The following NUFIP2 variants were observed in gnomAD, a reference collection of about 807,000 sequenced individuals.
The protein encoded by NUFIP2 is FMR1-interacting protein NUFIP2.
Under a neutral mutation model 56.9 loss-of-function variants are expected in NUFIP2, and 6 were observed. The observed-to-expected ratio is 0.11, with a 90% CI of 0.06 to 0.21. The LOEUF is 0.21. NUFIP2 is among the 10% of genes least tolerant of loss of function. The probability of loss-of-function intolerance (pLI) is 1.00; values close to 1 mark genes in which losing one functional copy is unlikely to be tolerated. For missense variants in NUFIP2, 828 were observed against 826.8 expected (o/e 1.00, Z -0.02); for synonymous variants, 321 against 298.2 (o/e 1.08, Z -0.79).
intron 1 of NUFIP2, among the ~76,000 whole-genome samples, chr17:29,291,408 T>C (rs2069212557): frequency 6.6e-6 from 1 of 152,186 alleles, no homozygotes; most frequent in South Asian, 2.1e-4. Context: ...CTCAACATGT[T>C]ACAGATAAAT....
chr17:29,282,579 A>T (rs1004818245), intron 2 of NUFIP2, among the ~76,000 whole-genome samples: 1 of 151,804 alleles, frequency 6.6e-6, no homozygotes, highest in Non-Finnish European at 1.5e-5. Flanking sequence ...AAAACAAAAT[A>T]AAAACACCTT....
chr17:29,266,683 A>G (rs1338500523), intron 3 of NUFIP2, among the ~76,000 whole-genome samples: 1 of 151,948 alleles, frequency 6.6e-6, no homozygotes. Flanking sequence ...AGACCAGCCA[A>G]AAGTGGAAAT....
intron 2 of NUFIP2, among the ~76,000 whole-genome samples, chr17:29,278,984 A>C (rs1458409538): frequency 6.6e-6 from 1 of 152,170 alleles, no homozygotes; most frequent in Non-Finnish European, 1.5e-5. Flanking sequence ...ATCCTCATAA[A>C]CAAGTACCCT....
At chr17:29,283,614 A>G (rs2069153208) in intron 2 of NUFIP2, among the ~76,000 whole-genome samples, 1 of 152,128 alleles carries the variant, frequency 6.6e-6, no homozygotes, top group African/African-American at 2.4e-5. Flanking sequence ...GTAAGAGAAC[A>G]CAACACAACC....
chr17:29,265,668 A>T (rs979660224), intron 3 of NUFIP2, among the ~76,000 whole-genome samples: 1 of 146,152 alleles, frequency 6.8e-6, no homozygotes, highest in Non-Finnish European at 1.5e-5. Context: ...ACACACATAT[A>T]TAATTTCTAC....
chr17:29,288,925 G>C (rs2069194208), intron 1 of NUFIP2, among the ~76,000 whole-genome samples: 1 of 152,088 alleles, frequency 6.6e-6, no homozygotes, highest in African/African-American at 2.4e-5. Flanking sequence ...GCCAAGGCAG[G>C]CAGACTGCTG....
chr17:29,259,874 G>C lies in NUFIP2; in HGVS notation c.*4665C>G, dbSNP rs1446245311. 2.0e-5 allele frequency: 3 copies of C among 152,304 alleles called. No individual in the cohort carries two copies. The East Asian group carries it at 5.8e-4, about 29-fold the overall frequency. 9.4% of individuals were successfully genotyped at this position (152,304 alleles called of 1,614,324 possible). ...AAGACCTTTCTTGAGCGGCAAAACA[G>C]TGTGAAATTTAAAACTCAGTAAAGC... On this transcript the variant is annotated 3_prime_UTR_variant, in exon 4 of 4. Coordinates refer to ENST00000225388, the MANE Select transcript of NUFIP2 (RefSeq NM_020772.3).
chr17:29,285,261 C>A (rs1353325436), intron 2 of NUFIP2, among the ~76,000 whole-genome samples: 1 of 151,830 alleles, frequency 6.6e-6, no homozygotes, highest in African/African-American at 2.4e-5. Context: ...GATCACACCA[C>A]TGCACTCCAG....
At chr17:29,281,984 G>A (rs561136624) in intron 2 of NUFIP2, among the ~76,000 whole-genome samples, 3 of 151,456 alleles carry the variant, frequency 2.0e-5, no homozygotes, top group Admixed American at 6.6e-5. Flanking sequence ...GGATGGCCTC[G>A]ATCTCCTGAC....
rs995132518 is a variant in NUFIP2 at position 29,256,610 on chromosome 17, G to A, written c.*7929C>T. ...TAGGAGCATGGGGAAAATGCTATCA[G>A]TAATATCTTCTACTTAAACATATTA... On this transcript the variant is annotated 3_prime_UTR_variant, in exon 4 of 4. Transcript: ENST00000225388. 4 of 151,684 alleles carry A rather than the reference G, an allele frequency of 2.6e-5. No individual in the cohort carries two copies. Among genetic ancestry groups the A allele is most frequent in the South Asian group, 4.2e-4 (2 of 4,814 alleles). 9.4% of individuals were successfully genotyped at this position (151,684 alleles called of 1,614,324 possible).
At chr17:29,288,324 C>T (rs1223733658) in intron 1 of NUFIP2, among the ~76,000 whole-genome samples, 3 of 152,352 alleles carry the variant, frequency 2.0e-5, no homozygotes, top group Non-Finnish European at 4.4e-5. Flanking sequence ...GGATTACAGG[C>T]GTGAGCCACA....
intron 2 of NUFIP2, among the ~76,000 whole-genome samples, chr17:29,285,415 AC>A (rs1320089817): frequency 1.3e-5 from 2 of 151,614 alleles, no homozygotes; most frequent in Non-Finnish European, 2.9e-5. Context: ...ACATGGTGAA[AC>A]CCCGTCTCTA....
At chr17:29,293,472 G>A (rs1598437777) in intron 1 of NUFIP2, among the ~76,000 whole-genome samples, 1 of 152,268 alleles carries the variant, frequency 6.6e-6, no homozygotes, top group East Asian at 1.9e-4. Context: ...GGGACGCAGG[G>A]AGGTGAATGG....
At chr17:29,278,395 C>T (rs1014653431) in intron 2 of NUFIP2, among the ~76,000 whole-genome samples, 5 of 151,886 alleles carry the variant, frequency 3.3e-5, no homozygotes, top group Admixed American at 1.3e-4. Context: ...TACAGGTACC[C>T]GCCACTGCGC....
chr17:29,284,168 C>T (rs1420833983), intron 2 of NUFIP2, among the ~76,000 whole-genome samples: 1 of 152,064 alleles, frequency 6.6e-6, no homozygotes, highest in African/African-American at 2.4e-5. Context: ...CTAAATGAGC[C>T]ACTGTTAAAA....
At chr17:29,290,746 TATCTCC>T (rs1567682825) in intron 1 of NUFIP2, among the ~76,000 whole-genome samples, 2 of 152,034 alleles carry the variant, frequency 1.3e-5, no homozygotes, top group African/African-American at 4.8e-5. Context: ...GATATAACTT[TATCTCC>T]TTACCTAACT....
At chr17:29,268,784 C>A (rs1485888032) in intron 2 of NUFIP2, among the ~76,000 whole-genome samples, 1 of 152,112 alleles carries the variant, frequency 6.6e-6, no homozygotes. Flanking sequence ...CCACCTCAGC[C>A]CCCCAAAGTG....
In NUFIP2 at chr17:29,293,809, T is replaced by G; in HGVS notation, c.251A>C (p.His84Pro). 1 of 1,526,730 alleles carries G rather than the reference T, an allele frequency of 6.5e-7. No individual in the cohort carries two copies. The highest frequency in any genetic ancestry group is 8.9e-7 in the Non-Finnish European group (1 of 1,126,056). The allele number at this position is 1,526,730 out of a possible 1,614,324, so 94.6% of individuals were successfully genotyped here. The change falls in exon 1 of 4, where the codon CAC becomes CCC. Residue 84 changes from histidine to proline, a missense_variant. His to Pro is a moderately conservative substitution (Grantham distance 77). This residue lies in a region of NUFIP2 where 415 missense variants were observed against 408.7 expected (regional missense o/e 1.02). Coordinates refer to ENST00000225388, the MANE Select transcript of NUFIP2 (RefSeq NM_020772.3). ...TGTTTTCTTCTTCGGCGTTTCCTGG[T>G]GCTGCTGGAGGGTGTGTTTCTGCTC... The part of the protein sequence containing the change: ...KHEQKHTLQQ[H>P]QETPKKKTGY...
intron 1 of NUFIP2, among the ~76,000 whole-genome samples, chr17:29,292,901 G>A (rs1479062778): frequency 7.0e-5 from 10 of 143,620 alleles, no homozygotes; most frequent in African/African-American, 2.5e-4. Flanking sequence ...GGCGGCCGCG[G>A]TGCGGGGGGC....
Sources: gnomAD v4.1 joint callset for allele counts (sites outside exome capture counted in the v4.1 genomes callset) on GRCh38, gnomAD v4.1.1 for gene constraint, gnomAD v4.1.1 regional missense constraint, MANE v1.5 for transcripts, NCBI Gene and HGNC (gene_info 2026-07-23, HGNC 2026-07-21) for gene names.